PACSIN1: variants seen among roughly 807,000 people sequenced by gnomAD.
PACSIN1 encodes the protein protein kinase C and casein kinase substrate in neurons 1, also known as protein kinase C and casein kinase substrate in neurons protein 1.
In PACSIN1, 15 loss-of-function variants were observed where a neutral mutation model predicts 59.5. That is an observed-to-expected ratio of 0.25 (90% confidence interval 0.17 to 0.39). The LOEUF (loss-of-function observed/expected upper bound fraction) is 0.39. Ranked by LOEUF, PACSIN1 falls within the 10% of genes least tolerant of loss-of-function variation. The pLI is 1.00. For synonymous variants in PACSIN1, 210 were observed against 220.6 expected, an observed-to-expected ratio of 0.95 and a Z score of 0.42; for missense variants, 420 against 580.2, an observed-to-expected ratio of 0.72 and a Z score of 2.84.
At chr6:34,506,002 G>A (rs905928516) in intron 1 of PACSIN1, among the ~76,000 whole-genome samples, 2 of 151,916 alleles carry the variant, frequency 1.3e-5, no homozygotes, top group African/African-American at 4.8e-5. Context: ...TATCAGTTTG[G>A]TTCTTCTTTG....
In PACSIN1 at chr6:34,531,894, G is replaced by A. The variant is rs928829487; in HGVS notation, c.1225+107G>A. The A allele has an allele frequency of 5.5e-6, 6 of 1,088,204 alleles. No individual in the cohort carries two copies. Among genetic ancestry groups the A allele is most frequent in the South Asian group, 3.1e-5 (2 of 65,174 alleles). The allele number at this position is 1,088,204 out of a possible 1,614,324, so 67.4% of individuals were successfully genotyped here. ...AGAGAAGCTTGGGTCTGGATTGGGTGTGTGGTGGTGCAGGGGCGGTGCCTG... is the reference window on the plus strand; with the variant it reads ...AGAGAAGCTTGGGTCTGGATTGGGTATGTGGTGGTGCAGGGGCGGTGCCTG... On this transcript the variant is annotated intron_variant, in intron 9 of 9. Coordinates refer to ENST00000244458, the MANE Select transcript of PACSIN1 (RefSeq NM_020804.5). The surrounding 1 kb of genome is among the most constrained non-coding windows in gnomAD (Gnocchi z 4.4).
rs1767654157 is a variant in PACSIN1, at chr6:34,534,266, A to C, written c.*1736A>C. The C allele has an allele frequency of 6.6e-6, 1 of 152,348 alleles. No homozygotes were observed. Among genetic ancestry groups the C allele is most frequent in the African/African-American group, 2.4e-5 (1 of 41,454 alleles). 9.4% of individuals were successfully genotyped at this position (152,348 alleles called of 1,614,324 possible). A position where few individuals can be genotyped will look rare whatever the true frequency, so the allele number is the denominator to read the frequency against. On this transcript the variant is annotated 3_prime_UTR_variant, in exon 10 of 10. Transcript: ENST00000244458. ...GCACAGAGGGTCCTGACACTCTGGCAGGGCCTGAGCTGGGGCAGGCCTCCC... is the reference window on the plus strand; with the variant it reads ...GCACAGAGGGTCCTGACACTCTGGCCGGGCCTGAGCTGGGGCAGGCCTCCC...
At chr6:34,505,631 C>CTTTTTTTTTT (rs35588714) in intron 1 of PACSIN1, among the ~76,000 whole-genome samples, 1 of 106,426 alleles carries the variant, frequency 9.4e-6, no homozygotes, top group African/African-American at 3.8e-5. Context: ...TACCTCCATA[C>CTTTTTTTTTT]TTTTTTTTTT....
Position 34,509,454 on chromosome 6 carries a change from C to T in PACSIN1, c.-63-16789C>T, listed in dbSNP as rs1767165971. 2.0e-5 allele frequency among the ~76,000 whole-genome samples: 3 copies of T among 152,274 alleles called. No individual in the cohort carries two copies. The South Asian group carries it at 6.2e-4, about 32-fold the overall frequency. On this transcript the variant is annotated intron_variant, in intron 1 of 9. Transcript: ENST00000244458. ...TGTCTGTTTTTATGACAGTACCATG[C>T]TGTTTTAATTACTGCAACTTAGTAA...
At chr6:34,526,424 C>T in intron 2 of PACSIN1, 56 bp downstream of exon 2, 1 of 1,459,706 alleles carries the variant, frequency 6.9e-7, no homozygotes, top group Non-Finnish European at 9.5e-7. Context: ...TGTTTGGAGG[C>T]CAGGCTCCCT....
chr6:34,485,350 G>A (rs1388831474), intron 1 of PACSIN1, among the ~76,000 whole-genome samples: 2 of 152,162 alleles, frequency 1.3e-5, no homozygotes, highest in Non-Finnish European at 2.9e-5. Flanking sequence ...GGAAGCAGGA[G>A]GGCTCATTAG....
intron 1 of PACSIN1, among the ~76,000 whole-genome samples, chr6:34,486,093 G>C (rs58218720): frequency 3.3e-5 from 5 of 152,022 alleles, no homozygotes; most frequent in African/African-American, 1.2e-4. Flanking sequence ...AGGGAAAACC[G>C]ATCATTCAGG....
At position 34,516,097 on chromosome 6, in the gene PACSIN1, G is replaced by T. The variant is rs138467747; in HGVS notation, c.-63-10146G>T. The stretch of plus-strand genomic sequence containing the variant: ...AAGGTTGATGTGTGCAACTATGGGC[G>T]TGCTTAAGGTCCTGCCCTTCTCCAC... On this transcript the variant is annotated intron_variant, in intron 1 of 9. Transcript: ENST00000244458. The surrounding 1 kb of genome is among the most constrained non-coding windows in gnomAD (Gnocchi z 5.4). 1.3e-5 allele frequency among the ~76,000 whole-genome samples: 2 copies of T among 152,150 alleles called. No individual in the cohort carries two copies. Among genetic ancestry groups the T allele is most frequent in the Non-Finnish European group, 2.9e-5 (2 of 68,014 alleles).
chr6:34,471,385 T>C (rs1766569743), intron 1 of PACSIN1, among the ~76,000 whole-genome samples: 2 of 152,206 alleles, frequency 1.3e-5, no homozygotes, highest in Non-Finnish European at 2.9e-5. Context: ...TTTAAAACAT[T>C]AACACATCCA....
In PACSIN1 at chr6:34,527,374, C is replaced by A; in HGVS notation, c.106C>A (p.His36Asn). 6.3e-7 allele frequency: 1 copy of A among 1,597,494 alleles called. No homozygotes were observed. The highest frequency in any genetic ancestry group is 1.1e-5 in the South Asian group (1 of 88,442). The change falls in exon 3 of 10, where the codon CAC (histidine) becomes AAC (asparagine). Residue 36 changes from histidine (H) to asparagine (N), a missense_variant. Transcript: ENST00000244458. ...GACCGTGAAGCGCATCGATGACGGC[C>A]ACCGTCTATGCAACGACCTGATGAA... ...KRTVKRIDDG[H>N]RLCNDLMNCV...
intron 1 of PACSIN1, among the ~76,000 whole-genome samples, chr6:34,486,285 G>A (rs146274741): frequency 1.3e-5 from 2 of 152,222 alleles, no homozygotes; most frequent in East Asian, 1.9e-4. Flanking sequence ...GCTGTCAGCT[G>A]AGAGGGAGGG....
chr6:34,526,390 G>A, intron 2 of PACSIN1, 22 bp downstream of exon 2: 1 of 1,606,492 alleles, frequency 6.2e-7, no homozygotes, highest in Non-Finnish European at 8.5e-7. Context: ...ATGATCCCCA[G>A]GTTCGGGGAC....
intron 1 of PACSIN1, among the ~76,000 whole-genome samples, chr6:34,475,976 G>A (rs552171782): frequency 6.6e-6 from 1 of 152,146 alleles, no homozygotes; most frequent in African/African-American, 2.4e-5. Context: ...AGTGGCTGCT[G>A]GTTTGTAGTT....
intron 1 of PACSIN1, among the ~76,000 whole-genome samples, chr6:34,478,845 G>GT (rs1432193057): frequency 9.7e-4 from 147 of 152,272 alleles, no homozygotes; most frequent in African/African-American, 3.3e-3. Context: ...AAAAGGACAA[G>GT]GAGCTTATTT....
chr6:34,524,960 G>A (rs1291093949), intron 1 of PACSIN1, among the ~76,000 whole-genome samples: 1 of 152,214 alleles, frequency 6.6e-6, no homozygotes, highest in Non-Finnish European at 1.5e-5. Context: ...GGTTCTAGAA[G>A]GGACTGTGGC....
rs956043319 is a variant in PACSIN1 at position 34,530,932 on chromosome 6, C to T, written c.1037+345C>T. On this transcript the variant is annotated intron_variant, in intron 8 of 9. Transcript: ENST00000244458. The surrounding 1 kb of genome is among the most constrained non-coding windows in gnomAD (Gnocchi z 4.4). ...GGGTTGCGCTCCTATGAGAATCTAACGCCGCGGCTGATCTAACAGGAGGTG... is the reference window on the plus strand; with the variant it reads ...GGGTTGCGCTCCTATGAGAATCTAATGCCGCGGCTGATCTAACAGGAGGTG... 6.6e-6 allele frequency among the ~76,000 whole-genome samples: 1 copy of T among 152,182 alleles called. No individual in the cohort carries two copies. The highest frequency in any genetic ancestry group is 2.4e-5 in the African/African-American group (1 of 41,444).
At position 34,524,228 on chromosome 6, in the gene PACSIN1, G is replaced by GA. The variant is rs1767446056; in HGVS notation, c.-63-2015_-63-2014insA. 6.6e-5 allele frequency among the ~76,000 whole-genome samples: 10 copies of GA among 152,226 alleles called. No homozygotes were observed. The South Asian group carries it at 1.0e-3, about 16-fold the overall frequency. On this transcript the variant is annotated intron_variant, in intron 1 of 9. Coordinates refer to ENST00000244458, the MANE Select transcript of PACSIN1 (RefSeq NM_020804.5). ...TGGGTATTTTGGCCTGACATACCAG[G>GA]TCTCAGCTGTACTGTCCCTTCCCTC...
chr6:34,491,237 A>G (rs1057450402), intron 1 of PACSIN1, among the ~76,000 whole-genome samples: 2 of 152,118 alleles, frequency 1.3e-5, no homozygotes, highest in Non-Finnish European at 2.9e-5. Flanking sequence ...GTGATGAGTC[A>G]CACTCAGCCT....
chr6:34,513,484 G>C (rs1380528307), intron 1 of PACSIN1, among the ~76,000 whole-genome samples: 1 of 151,624 alleles, frequency 6.6e-6, no homozygotes, highest in Non-Finnish European at 1.5e-5. Flanking sequence ...GGGGCATGCT[G>C]TGTGTCCTGG....
Sources: allele counts gnomAD v4.1 joint callset (sites outside exome capture counted in the v4.1 genomes callset), GRCh38; gene constraint gnomAD v4.1.1; non-coding constraint Gnocchi (gnomAD v3.1); transcripts MANE v1.5; gene names NCBI Gene and HGNC (gene_info 2026-07-23, HGNC 2026-07-21).